APBB1: variants seen among roughly 807,000 people sequenced by gnomAD.
The protein encoded by APBB1 is amyloid beta precursor protein binding family B member 1.
APBB1 carries 22 observed loss-of-function variants against 78.4 expected under a neutral mutation model. That is an observed-to-expected ratio of 0.28 (90% CI 0.20 to 0.40). APBB1 has a LOEUF of 0.40. Ranked by LOEUF, APBB1 falls within the 10% of genes least tolerant of loss-of-function variation. The pLI is 1.00. For synonymous variants in APBB1, 369 were observed against 372.7 expected (o/e 0.99, Z 0.12); for missense variants, 749 against 932.4 (o/e 0.80, Z 2.56).
chr11:6,410,578 C>T (rs1249104594), intron 2 of APBB1, 49 bp downstream of exon 2: 1 of 1,485,320 alleles, frequency 6.7e-7, no homozygotes, highest in Non-Finnish European at 9.0e-7. Flanking sequence ...GAGTCCTAAC[C>T]TCTGCCCTCA....
intron 1 of APBB1, among the ~76,000 whole-genome samples, chr11:6,418,280 A>G (rs1849170631): frequency 6.6e-6 from 1 of 152,234 alleles, no homozygotes; most frequent in South Asian, 2.1e-4. Context: ...AGTTCTCCAC[A>G]AGGAGGTCTC....
At chr11:6,417,639 A>C (rs918143876) in intron 1 of APBB1, among the ~76,000 whole-genome samples, 4 of 152,232 alleles carry the variant, frequency 2.6e-5, no homozygotes, top group Non-Finnish European at 4.4e-5. Context: ...CTATTAAAGT[A>C]GTCAAGGAAA....
intron 2 of APBB1, among the ~76,000 whole-genome samples, chr11:6,406,764 C>T (rs1848816717): frequency 6.6e-6 from 1 of 152,108 alleles, no homozygotes; most frequent in African/African-American, 2.4e-5. Flanking sequence ...TATACAGGTC[C>T]CTTCTTAAAA....
rs375733189 is a variant in APBB1 at position 6,402,712 on chromosome 11, C to T, written c.1118G>A (p.Arg373His). The T allele has an allele frequency of 3.7e-5, 60 of 1,613,942 alleles. No individual in the cohort carries two copies. Among genetic ancestry groups the T allele is most frequent in the South Asian group, 6.6e-5 (6 of 91,088 alleles). ...TNPGIKCFAV[R>H]SLGWVEMTEE... is the part of the protein sequence containing the mutation. ...GGTCATCTCTACCCAGCCTAGGGAG[C>T]GCACGGCGAAACACTGCCAGACACA... Residue 373 changes from arginine to histidine, a missense_variant, in exon 7 of 15, where the codon CGC becomes CAC. Around this residue, in one of 3 missense-constraint regions of APBB1, gnomAD observed 635 missense variants for 765.0 expected, o/e 0.83. Transcript: ENST00000609360.
chr11:6,403,380 T>A lies in APBB1; in HGVS notation c.979A>T (p.Met327Leu), dbSNP rs1800423. ...TCAGGTTCCTTCAGTCCCAGCTCCA[T>A]TGGGGCCTCATCACTGGGTTCATCC... ...WKDEPSDEAP[M>L]ELGLKEPEEG... The change falls in exon 5 of 15, where the codon ATG becomes TTG. Residue 327 changes from methionine to leucine, a missense_variant. Transcript: ENST00000609360. The surrounding 1 kb of genome is among the most constrained non-coding windows in gnomAD (Gnocchi z 5.3). 6.2e-7 allele frequency: 1 copy of A among 1,614,006 alleles called. No homozygotes were observed. Among genetic ancestry groups the A allele is most frequent in the African/African-American group, 1.3e-5 (1 of 74,926 alleles).
intron 2 of APBB1, among the ~76,000 whole-genome samples, chr11:6,409,373 C>G (rs1848902340): frequency 1.3e-5 from 2 of 152,172 alleles, no homozygotes; most frequent in Admixed American, 1.3e-4. Context: ...CTGCACCCAG[C>G]TGTAAACATT....
In APBB1 at chr11:6,401,158, C is replaced by T; in HGVS notation, c.1589-86G>A. 1 of 1,613,294 alleles carries T rather than the reference C, an allele frequency of 6.2e-7. No individual in the cohort carries two copies. ...AGCAGGGCATAAGCTGGACACTTGC[C>T]CAGCCGAGGCCCTACTTTCATCTCG... On this transcript the variant is annotated intron_variant, in intron 11 of 14. Coordinates refer to ENST00000609360, the MANE Select transcript of APBB1 (RefSeq NM_001164.5). This position sits in a 1 kb window ranked among gnomAD's most constrained non-coding sequence, Gnocchi z 4.5.
rs1590766499 is a variant in APBB1, at chr11:6,401,172, A to G, written c.1589-100T>C. The G allele has an allele frequency of 6.2e-7, 1 of 1,612,784 alleles. No homozygotes were observed. Among genetic ancestry groups the G allele is most frequent in the Non-Finnish European group, 8.5e-7 (1 of 1,179,256 alleles). ...TGGACACTTGCCCAGCCGAGGCCCT[A>G]CTTTCATCTCGTCCCCTGCCTCCCT... On this transcript the variant is annotated intron_variant, in intron 11 of 14. Coordinates refer to ENST00000609360, the MANE Select transcript of APBB1 (RefSeq NM_001164.5). This position sits in a 1 kb window ranked among gnomAD's most constrained non-coding sequence, Gnocchi z 4.5.
chr11:6,405,274 C>T (rs1296301908), intron 2 of APBB1: 1 of 1,000,614 alleles, frequency 1.0e-6, no homozygotes, highest in East Asian at 1.1e-4. Flanking sequence ...GGATCCCGCC[C>T]CTGTCCAGGA....
At chr11:6,402,027 G>A (rs1299750104) in intron 8 of APBB1, 45 bp from the exon 9 acceptor site, 1 of 1,604,882 alleles carries the variant, frequency 6.2e-7, no homozygotes, top group Admixed American at 1.7e-5. Context: ...AGTTAGAGAG[G>A]AGGACTCTGA....
At chr11:6,404,472 A>C in intron 2 of APBB1, 1 of 1,068,248 alleles carries the variant, frequency 9.4e-7, no homozygotes, top group South Asian at 1.5e-5. Flanking sequence ...GGTACCACAC[A>C]CACAGGCGGA....
chr11:6,399,853 C>T (rs1848412402), intron 12 of APBB1, among the ~76,000 whole-genome samples: 1 of 152,158 alleles, frequency 6.6e-6, no homozygotes, highest in South Asian at 2.1e-4. Context: ...CTTGGAAATG[C>T]CAAAGTGCCT....
chr11:6,405,169 A>G, intron 2 of APBB1: 1 of 1,166,152 alleles, frequency 8.6e-7, no homozygotes, highest in Admixed American at 4.3e-5. Context: ...TAGGGATACC[A>G]GGAGACTCAG....
rs1281113047 is a variant in APBB1, at chr11:6,399,343, A to G, written c.1672+1646T>C. 3.3e-5 allele frequency among the ~76,000 whole-genome samples: 5 copies of G among 152,188 alleles called. No homozygotes were observed. The East Asian group carries it at 9.6e-4, about 29-fold the overall frequency. On this transcript the variant is annotated intron_variant, in intron 12 of 14. Transcript: ENST00000609360. ...TCCCCAAAGGCATCTCAAACTCAGC[A>G]TGTCCAAAAGTGAGCTCACAATCTC...
At chr11:6,413,100 T>C (rs1276556570) in intron 1 of APBB1, among the ~76,000 whole-genome samples, 1 of 151,716 alleles carries the variant, frequency 6.6e-6, no homozygotes, top group Non-Finnish European at 1.5e-5. Context: ...GAAAGTGCTC[T>C]CTCCCTGGAC....
intron 2 of APBB1, chr11:6,405,005 TG>T: frequency 2.1e-6 from 3 of 1,423,514 alleles, no homozygotes; most frequent in Non-Finnish European, 1.8e-6. Context: ...GGAATCTCCT[TG>T]GGGGGTGGGG....
Position 6,411,675 on chromosome 11 carries a change from C to A in APBB1, c.-14-314G>T, listed in dbSNP as rs1281680614. 1.3e-5 allele frequency among the ~76,000 whole-genome samples: 2 copies of A among 152,282 alleles called. No homozygotes were observed. The highest frequency in any genetic ancestry group is 3.9e-4 in the East Asian group (2 of 5,170). ...CTCCACACAATGGCTCTCTGTGCCTCCCCACCCCCCAGCTCATCCACCCGG... is the reference window on the plus strand; with the variant it reads ...CTCCACACAATGGCTCTCTGTGCCTACCCACCCCCCAGCTCATCCACCCGG... On this transcript the variant is annotated intron_variant, in intron 1 of 14. Coordinates refer to ENST00000609360, the MANE Select transcript of APBB1 (RefSeq NM_001164.5). The surrounding 1 kb of genome is among the most constrained non-coding windows in gnomAD (Gnocchi z 5.2).
chr11:6,401,565 G>T lies in APBB1; in HGVS notation c.1503+9C>A. 1 of 1,614,186 alleles carries T rather than the reference G, an allele frequency of 6.2e-7. No individual in the cohort carries two copies. On this transcript the variant is annotated intron_variant, in intron 10 of 14. Transcript: ENST00000609360. This position sits in a 1 kb window ranked among gnomAD's most constrained non-coding sequence, Gnocchi z 4.5. ...TGGCAACTAGTCCAGGGAGTGGAGG[G>T]GGCCGTGCCTTAGAGCAGATCTCAT...
Position 6,401,859 on chromosome 11 carries a change from C to G in APBB1, c.1388+118G>C, listed in dbSNP as rs138870027. ...GGGGAGGGGTAGACAGGCAAGCATG[C>G]TGAGGTGGAGGGTAATGGTGGAGCA... On this transcript the variant is annotated intron_variant, in intron 9 of 14. Coordinates refer to ENST00000609360, the MANE Select transcript of APBB1 (RefSeq NM_001164.5). The surrounding 1 kb of genome is among the most constrained non-coding windows in gnomAD (Gnocchi z 4.5). 215 of 1,473,406 alleles carry G rather than the reference C, an allele frequency of 1.5e-4. 1 individual carries two copies. The African/African-American group carries it at 1.6e-3, about 11-fold the overall frequency. 91.3% of individuals were successfully genotyped at this position (1,473,406 alleles called of 1,614,324 possible).
Sources: allele counts gnomAD v4.1 joint callset (sites outside exome capture counted in the v4.1 genomes callset), GRCh38; gene constraint gnomAD v4.1.1; regional missense constraint gnomAD v4.1.1; non-coding constraint Gnocchi (gnomAD v3.1); transcripts MANE v1.5; gene names NCBI Gene and HGNC (gene_info 2026-07-23, HGNC 2026-07-21).